Variants in ZBTB39 observed in about 807,000 individuals in gnomAD.
The protein encoded by ZBTB39 is zinc finger and BTB domain containing 39, also known as zinc finger and BTB domain-containing protein 39.
ZBTB39 carries 25 observed loss-of-function variants against 39.4 expected under a neutral mutation model. The ratio of observed to expected loss-of-function variants is 0.63; its 90% confidence interval spans 0.46 to 0.89. The LOEUF is 0.89. Among genes scored for constraint, ZBTB39 ranks in the 40% least tolerant of loss-of-function variants. The pLI is 0.00. For missense variants in ZBTB39, 891 were observed against 909.7 expected (o/e 0.98, Z 0.26); for synonymous variants, 373 against 359.6 (o/e 1.04, Z -0.42).
In ZBTB39 at chr12:57,002,423, G is replaced by A. The variant is rs1320090968; in HGVS notation, c.*356C>T. ...CCTCCTCTGTTAAGTGAGGCTGTTG[G>A]TTGGATTCTTAGCAGCATAAAACCT... On this transcript the variant is annotated 3_prime_UTR_variant, in exon 2 of 2. Coordinates refer to ENST00000300101, the MANE Select transcript of ZBTB39 (RefSeq NM_014830.3). 8.6e-6 allele frequency: 2 copies of A among 232,114 alleles called. No individual in the cohort carries two copies. The highest frequency in any genetic ancestry group is 4.5e-5 in the African/African-American group (2 of 44,448). 14.4% of individuals were successfully genotyped at this position (232,114 alleles called of 1,614,324 possible). A position where few individuals can be genotyped will look rare whatever the true frequency, so the allele number is the denominator to read the frequency against.
At position 57,002,689 on chromosome 12, in the gene ZBTB39, A is replaced by G. The variant is rs1956216316; in HGVS notation, c.*90T>C. 1.8e-5 allele frequency: 24 copies of G among 1,299,188 alleles called. No homozygotes were observed. Among genetic ancestry groups the G allele is most frequent in the Non-Finnish European group, 2.5e-5 (23 of 932,638 alleles). 80.5% of individuals were successfully genotyped at this position (1,299,188 alleles called of 1,614,324 possible). A position where few individuals can be genotyped will look rare whatever the true frequency, so the allele number is the denominator to read the frequency against. ...ACAGAATTCCTACCAAGGCAAAATT[A>G]TAACTTCAGCTGGGGAGGGACCAAC... On this transcript the variant is annotated 3_prime_UTR_variant, in exon 2 of 2. Transcript: ENST00000300101.
At chr12:57,005,946 T>A (rs1484510770) in intron 1 of ZBTB39, among the ~76,000 whole-genome samples, 4 of 152,154 alleles carry the variant, frequency 2.6e-5, no homozygotes, top group Admixed American at 2.0e-4. Context: ...AGCGTCTAAG[T>A]ATTGTGGGGT....
intron 1 of ZBTB39, among the ~76,000 whole-genome samples, chr12:57,005,842 G>C (rs1203543619): frequency 2.0e-5 from 3 of 152,158 alleles, no homozygotes; most frequent in African/African-American, 7.2e-5. Flanking sequence ...AGAGCTACTT[G>C]CATCCCTGTT....
chr12:57,004,799 G>C lies in ZBTB39; in HGVS notation c.119C>G (p.Ser40Cys), dbSNP rs1347141685. The part of the protein sequence containing the change: ...CDVTIVVGSR[S>C]FPAHKAVLAC... ...CAGCACAGCCTTGTGGGCCGGGAAGGAGCGGCTCCCCACCACAATGGTGAC... is the reference window on the plus strand; with the variant it reads ...CAGCACAGCCTTGTGGGCCGGGAAGCAGCGGCTCCCCACCACAATGGTGAC... The change falls in exon 2 of 2, where the codon TCC (serine) becomes TGC (cysteine). Residue 40 changes from serine (S) to cysteine (C), a missense_variant. Physicochemically the swap from Ser to Cys is moderately radical, Grantham distance 112. Transcript: ENST00000300101. The C allele has an allele frequency of 6.8e-6, 11 of 1,614,216 alleles. No individual in the cohort carries two copies. In the South Asian group the frequency reaches 1.2e-4, roughly 18 times the overall value.
Position 57,002,814 on chromosome 12 carries a change from G to A in ZBTB39, c.2104C>T (p.His702Tyr), listed in dbSNP as rs767537336. Residue 702 changes from histidine to tyrosine, a missense_variant, in exon 2 of 2, where the codon CAT becomes TAT. His to Tyr is a moderately conservative substitution (Grantham distance 83, BLOSUM62 2). Coordinates refer to ENST00000300101, the MANE Select transcript of ZBTB39 (RefSeq NM_014830.3). ...TIEQTFMYII[H>Y]SKEADKNPDS ...GGGTTCTTATCCGCCTCTTTGGAAT[G>A]GATGATGTACATGAAGGTCTGCTCG... The A allele has an allele frequency of 8.7e-6, 14 of 1,614,082 alleles. No homozygotes were observed. The South Asian group carries it at 1.4e-4, about 16-fold the overall frequency.
At position 57,000,003 on chromosome 12, in the gene ZBTB39, G is replaced by T. The variant is rs762001241; in HGVS notation, c.*2776C>A. 1 of 152,146 alleles carries T rather than the reference G, an allele frequency of 6.6e-6. No homozygotes were observed. Among genetic ancestry groups the T allele is most frequent in the African/African-American group, 2.4e-5 (1 of 41,408 alleles). The allele number at this position is 152,146 out of a possible 1,614,324, so 9.4% of individuals were successfully genotyped here. ...AGGGAGCAACAAAATCAAATGAACAGAAAGTCAAAACAATTAAAAATGCAA... is the reference window on the plus strand; with the variant it reads ...AGGGAGCAACAAAATCAAATGAACATAAAGTCAAAACAATTAAAAATGCAA... On this transcript the variant is annotated 3_prime_UTR_variant, in exon 2 of 2. Coordinates refer to ENST00000300101, the MANE Select transcript of ZBTB39 (RefSeq NM_014830.3).
intron 1 of ZBTB39, among the ~76,000 whole-genome samples, chr12:57,005,658 T>C (rs144803141): frequency 6.6e-5 from 10 of 152,252 alleles, no homozygotes; most frequent in Non-Finnish European, 1.5e-4. Flanking sequence ...TAATATTACT[T>C]TAATATGTTG....
At chr12:57,005,144 G>A (rs1956237613) in intron 1 of ZBTB39, among the ~76,000 whole-genome samples, 183 bp from the exon 2 acceptor site, 1 of 152,088 alleles carries the variant, frequency 6.6e-6, no homozygotes, top group African/African-American at 2.4e-5. Flanking sequence ...TATACTCAAA[G>A]AGTTATGACA....
At position 57,003,473 on chromosome 12, in the gene ZBTB39, C is replaced by T; in HGVS notation, c.1445G>A (p.Cys482Tyr). The change falls in exon 2 of 2, where the codon TGC becomes TAC. Residue 482 changes from cysteine (C) to tyrosine (Y), a missense_variant. Coordinates refer to ENST00000300101, the MANE Select transcript of ZBTB39 (RefSeq NM_014830.3). The surrounding 1 kb of genome is among the most constrained non-coding windows in gnomAD (Gnocchi z 4.8). ...AAGGTGACGCTGGTCGCAGACACTG[C>T]AGGCCTGGCCCTTCAAGTTTAGATG... ...LDHLNLKGQA[C>Y]SVCDQRHLNL... 1 of 1,613,634 alleles carries T rather than the reference C, an allele frequency of 6.2e-7. No homozygotes were observed. The highest frequency in any genetic ancestry group is 1.1e-5 in the South Asian group (1 of 91,088).
rs2136410193 is a variant in ZBTB39, at chr12:57,003,976, G to A, written c.942C>T (p.Gly314=). 6.2e-7 allele frequency: 1 copy of A among 1,614,198 alleles called. No individual in the cohort carries two copies. The highest frequency in any genetic ancestry group is 2.2e-5 in the East Asian group (1 of 44,882). ...TCAGCTCAATCACCTCCTCAGTTGT[G>A]CCTATATCCTCAGCAGGGTCTTCAA... ...LQFEDPAEDI[G]TTEEVIELSD... The change falls in exon 2 of 2, where the codon GGC becomes GGT. Residue 314 remains glycine (G), a synonymous_variant. Transcript: ENST00000300101. This position sits in a 1 kb window ranked among gnomAD's most constrained non-coding sequence, Gnocchi z 4.8.
intron 1 of ZBTB39, among the ~76,000 whole-genome samples, chr12:57,005,512 A>G (rs551205960): frequency 2.1e-4 from 32 of 152,246 alleles, no homozygotes; most frequent in Admixed American, 3.9e-4. Flanking sequence ...CTCTGCCTAT[A>G]CTACATACCC....
Position 57,003,731 on chromosome 12 carries a change from C to G in ZBTB39, c.1187G>C (p.Gly396Ala). ...SRVTHVLSHIGIFLFSCDMCE... is the reference protein window; with the variant it reads ...SRVTHVLSHIAIFLFSCDMCE... ...CATGTCGCAGGAGAAAAGGAAAATA[C>G]CAATGTGGGACAGGACATGAGTTAC... The change falls in exon 2 of 2, where the codon GGT (glycine) becomes GCT (alanine). Residue 396 changes from glycine to alanine, a missense_variant. Physicochemically the swap from Gly to Ala is moderately conservative, Grantham distance 60. Coordinates refer to ENST00000300101, the MANE Select transcript of ZBTB39 (RefSeq NM_014830.3). The surrounding 1 kb of genome is among the most constrained non-coding windows in gnomAD (Gnocchi z 4.8). 2 of 1,614,176 alleles carry G rather than the reference C, an allele frequency of 1.2e-6. No individual in the cohort carries two copies. Among genetic ancestry groups the G allele is most frequent in the Non-Finnish European group, 1.7e-6 (2 of 1,180,020 alleles).
Position 57,002,975 on chromosome 12 carries a change from A to T in ZBTB39, c.1943T>A (p.Ile648Asn). ...CHKFFRGRST[I>N]KCHLKTHSGA... ...CGAGTGTGTCTTTAGGTGGCACTTG[A>T]TGGTCGAGCGGCCTCGAAAGAACTT... Residue 648 changes from isoleucine (I) to asparagine (N), a missense_variant, in exon 2 of 2, where the codon ATC becomes AAC. Physicochemically the swap from Ile to Asn is moderately radical, Grantham distance 149. Transcript: ENST00000300101. 6.2e-7 allele frequency: 1 copy of T among 1,614,194 alleles called. No homozygotes were observed. Among genetic ancestry groups the T allele is most frequent in the Non-Finnish European group, 8.5e-7 (1 of 1,180,026 alleles).
At position 57,003,159 on chromosome 12, in the gene ZBTB39, C is replaced by G. The variant is rs1956220431; in HGVS notation, c.1759G>C (p.Glu587Gln). ...GCCAGCTCTTCACCCAGAAACTCCT[C>G]TGCTGGCAGCTTCCGCTTCTGGAGA... The part of the protein sequence containing the change: ...PALQKRKLPA[E>Q]EFLGEELALQ... The change falls in exon 2 of 2, where the codon GAG becomes CAG. Residue 587 changes from glutamate to glutamine, a missense_variant. Coordinates refer to ENST00000300101, the MANE Select transcript of ZBTB39 (RefSeq NM_014830.3). This position sits in a 1 kb window ranked among gnomAD's most constrained non-coding sequence, Gnocchi z 4.8. 6.2e-7 allele frequency: 1 copy of G among 1,614,060 alleles called. No individual in the cohort carries two copies. The highest frequency in any genetic ancestry group is 8.5e-7 in the Non-Finnish European group (1 of 1,180,032).
rs1956208423 is a variant in ZBTB39, at chr12:57,001,261, A to T, written c.*1518T>A. 1.3e-5 allele frequency: 2 copies of T among 152,690 alleles called. No individual in the cohort carries two copies. The highest frequency in any genetic ancestry group is 4.8e-5 in the African/African-American group (2 of 41,470). 9.5% of individuals were successfully genotyped at this position (152,690 alleles called of 1,614,324 possible). A position where few individuals can be genotyped will look rare whatever the true frequency, so the allele number is the denominator to read the frequency against. On this transcript the variant is annotated 3_prime_UTR_variant, in exon 2 of 2. Coordinates refer to ENST00000300101, the MANE Select transcript of ZBTB39 (RefSeq NM_014830.3). ...ACAAAAGAGATGCTGGGTAATGTGT[A>T]TACAAAAACAAAAATAAATAAATAT...
chr12:57,000,539 C>T lies in ZBTB39; in HGVS notation c.*2240G>A, dbSNP rs1956204318. On this transcript the variant is annotated 3_prime_UTR_variant, in exon 2 of 2. Transcript: ENST00000300101. ...CACACCAGCATTTCAAAAATCAGTC[C>T]TCACCAACAGTCTGGGAGGGATTGC... is the stretch of plus-strand genomic sequence containing the variant. The T allele has an allele frequency of 6.6e-6, 1 of 152,666 alleles. No homozygotes were observed. The highest frequency in any genetic ancestry group is 1.5e-5 in the Non-Finnish European group (1 of 68,052). The allele number at this position is 152,666 out of a possible 1,614,324, so 9.5% of individuals were successfully genotyped here. A position where few individuals can be genotyped will look rare whatever the true frequency, so the allele number is the denominator to read the frequency against.
At position 57,003,674 on chromosome 12, in the gene ZBTB39, A is replaced by C. The variant is rs751668520; in HGVS notation, c.1244T>G (p.Leu415Arg). Residue 415 changes from leucine (L) to arginine (R), a missense_variant, in exon 2 of 2, where the codon CTG (leucine) becomes CGG (arginine). Transcript: ENST00000300101. This position sits in a 1 kb window ranked among gnomAD's most constrained non-coding sequence, Gnocchi z 4.8. The part of the protein sequence containing the change: ...CETKFFTQWQ[L>R]TLHRRDGIFE... ...TATTCCATCCCGTCGGTGAAGGGTC[A>C]GCTGCCACTGGGTAAAGAACTTAGT... 1 of 1,614,218 alleles carries C rather than the reference A, an allele frequency of 6.2e-7. No individual in the cohort carries two copies. Among genetic ancestry groups the C allele is most frequent in the South Asian group, 1.1e-5 (1 of 91,082 alleles).
chr12:57,002,505 T>G lies in ZBTB39; in HGVS notation c.*274A>C. 2.1e-6 allele frequency: 1 copy of G among 470,646 alleles called. No homozygotes were observed. The highest frequency in any genetic ancestry group is 3.8e-6 in the Non-Finnish European group (1 of 263,072). The allele number at this position is 470,646 out of a possible 1,614,324, so 29.2% of individuals were successfully genotyped here. On this transcript the variant is annotated 3_prime_UTR_variant, in exon 2 of 2. Transcript: ENST00000300101. ...AGGGGGTCTAGTGGACACCAACTGC[T>G]TGACTAGATCCCAAAACCAGCCTCA...
rs570006960 is a variant in ZBTB39, at chr12:57,003,313, G to T, written c.1605C>A (p.Asp535Glu). The change falls in exon 2 of 2, where the codon GAC becomes GAA. Residue 535 changes from aspartate to glutamate, a missense_variant. Coordinates refer to ENST00000300101, the MANE Select transcript of ZBTB39 (RefSeq NM_014830.3). This position sits in a 1 kb window ranked among gnomAD's most constrained non-coding sequence, Gnocchi z 4.8. ...KHMAVHQSLE[D>E]ALFHCRLCSQ... ...TGCACAAGCGGCAGTGGAAGAGGGC[G>T]TCTTCCAGACTTTGGTGCACAGCCA... The T allele has an allele frequency of 6.2e-7, 1 of 1,614,004 alleles. No individual in the cohort carries two copies. The highest frequency in any genetic ancestry group is 8.5e-7 in the Non-Finnish European group (1 of 1,179,926).
Sources: allele counts gnomAD v4.1 joint callset (sites outside exome capture counted in the v4.1 genomes callset), GRCh38; gene constraint gnomAD v4.1.1; non-coding constraint Gnocchi (gnomAD v3.1); transcripts MANE v1.5; gene names NCBI Gene and HGNC (gene_info 2026-07-23, HGNC 2026-07-21).